The following IQCH variants were observed in gnomAD, a reference collection of about 807,000 sequenced individuals.
IQCH encodes the protein IQ motif containing H, also known as IQ domain-containing protein H.
Under a neutral mutation model 117.0 loss-of-function variants are expected in IQCH, and 98 were observed. That is an observed-to-expected ratio of 0.84 (90% CI 0.71 to 0.99). IQCH has a LOEUF of 0.99. Among genes scored for constraint, IQCH ranks in the 50% least tolerant of loss-of-function variants. The pLI, the probability that IQCH is intolerant of heterozygous loss-of-function variation, is 0.00. For synonymous variants in IQCH, 412 were observed against 448.2 expected, an observed-to-expected ratio of 0.92 and a Z score of 1.02; for missense variants, 1,102 against 1,243.8, an observed-to-expected ratio of 0.89 and a Z score of 1.72.
rs1160163778 is a variant in IQCH, at chr15:67,454,323, A to T, written c.2506-10804A>T. 6.6e-6 allele frequency among the ~76,000 whole-genome samples: 1 copy of T among 152,046 alleles called. No homozygotes were observed. The highest frequency in any genetic ancestry group is 2.4e-5 in the African/African-American group (1 of 41,378). On this transcript the variant is annotated intron_variant, in intron 16 of 20. Coordinates refer to ENST00000335894, the MANE Select transcript of IQCH (RefSeq NM_001031715.3). This position sits in a 1 kb window ranked among gnomAD's most constrained non-coding sequence, Gnocchi z 5.2. ...AAATCACCCGTCTTCTGCGTCGCTC[A>T]CGCTGGGAGCTGTAGACCGGAGCTG... is the stretch of plus-strand genomic sequence containing the variant.
chr15:67,475,970 C>G lies in IQCH; in HGVS notation c.2799+152C>G, dbSNP rs1367868898. 1.9e-5 allele frequency: 13 copies of G among 674,006 alleles called. No individual in the cohort carries two copies. The highest frequency in any genetic ancestry group is 3.0e-5 in the Non-Finnish European group (12 of 399,874). 41.8% of individuals were successfully genotyped at this position (674,006 alleles called of 1,614,324 possible). A position where few individuals can be genotyped will look rare whatever the true frequency, so the allele number is the denominator to read the frequency against. ...AGGCTGATTGCTGCTTGGGGAAGAG[C>G]AGATACGCAACTCCACAGAAAGTAG... is the stretch of plus-strand genomic sequence containing the variant. On this transcript the variant is annotated intron_variant, in intron 18 of 20. Coordinates refer to ENST00000335894, the MANE Select transcript of IQCH (RefSeq NM_001031715.3). The surrounding 1 kb of genome is among the most constrained non-coding windows in gnomAD (Gnocchi z 5.7).
At chr15:67,379,366 T>C (rs1292619905) in intron 10 of IQCH, among the ~76,000 whole-genome samples, 2 of 152,240 alleles carry the variant, frequency 1.3e-5, no homozygotes, top group Non-Finnish European at 2.9e-5. Flanking sequence ...TCTACAATCA[T>C]ATTAATAAAC....
In IQCH at chr15:67,372,650, C is replaced by T. The variant is rs1415060857; in HGVS notation, c.1293C>T (p.Arg431=). 1.2e-6 allele frequency: 2 copies of T among 1,603,508 alleles called. No individual in the cohort carries two copies. ...ESRQRHLENF[R]IRAKHLAANW... Reference sequence around the variant, plus strand: ...GTCAGAGACACCTGGAGAATTTTCGCATTCGAGCCAAGGTGCACAAGGCTG... The same window carrying T: ...GTCAGAGACACCTGGAGAATTTTCGTATTCGAGCCAAGGTGCACAAGGCTG... The change falls in exon 9 of 21, where the codon CGC becomes CGT. Residue 431 remains arginine (R), a synonymous_variant. Coordinates refer to ENST00000335894, the MANE Select transcript of IQCH (RefSeq NM_001031715.3).
intron 10 of IQCH, among the ~76,000 whole-genome samples, chr15:67,382,019 C>T (rs1970950453): frequency 6.6e-6 from 1 of 151,796 alleles, no homozygotes; most frequent in African/African-American, 2.4e-5. Flanking sequence ...TGAGTACGGG[C>T]TTCACACGTG....
At chr15:67,460,754 G>C (rs2082772119) in intron 16 of IQCH, among the ~76,000 whole-genome samples, 1 of 152,106 alleles carries the variant, frequency 6.6e-6, no homozygotes, top group African/African-American at 2.4e-5. Flanking sequence ...CTGCAACCTA[G>C]GGCAACCACT....
intron 6 of IQCH, among the ~76,000 whole-genome samples, chr15:67,355,479 A>G (rs148601227): frequency 0.028 from 4,192 of 152,132 alleles, 60 homozygotes; most frequent in Non-Finnish European, 0.038. Context: ...AGTCTCAGCT[A>G]TTCTGGAGGC....
rs1271367688 is a variant in IQCH, at chr15:67,432,515, C to T, written c.2505+10938C>T. ...TTGTTATCAACTGGTAAATTCCTGC[C>T]CTCTTCCTCACAGTATGTTCTGAGA... On this transcript the variant is annotated intron_variant, in intron 16 of 20. Transcript: ENST00000335894. The surrounding 1 kb of genome is among the most constrained non-coding windows in gnomAD (Gnocchi z 5.0). 6.6e-6 allele frequency among the ~76,000 whole-genome samples: 1 copy of T among 152,090 alleles called. No individual in the cohort carries two copies. The highest frequency in any genetic ancestry group is 2.4e-5 in the African/African-American group (1 of 41,402).
In IQCH at chr15:67,343,720, A is replaced by T. The variant is rs113143216; in HGVS notation, c.509-343A>T. On this transcript the variant is annotated intron_variant, in intron 5 of 20. Coordinates refer to ENST00000335894, the MANE Select transcript of IQCH (RefSeq NM_001031715.3). ...AAGAATCTGTGCCTGATTTCTCTGA[A>T]TTTTAAAAAGAGTAATAATATTACC... is the stretch of plus-strand genomic sequence containing the variant. Among the ~76,000 whole-genome samples the T allele has an allele frequency of 2.0e-5, 3 of 152,314 alleles. 1 individual carries two copies. The highest frequency in any genetic ancestry group is 7.2e-5 in the African/African-American group (3 of 41,580).
rs1970486612 is a variant in IQCH at position 67,370,454 on chromosome 15, A to G, written c.754-1657A>G. 6.6e-6 allele frequency among the ~76,000 whole-genome samples: 1 copy of G among 152,184 alleles called. No individual in the cohort carries two copies. Among genetic ancestry groups the G allele is most frequent in the Non-Finnish European group, 1.5e-5 (1 of 68,034 alleles). ...TCTCTGAATTCTAATTCCTAGTATC[A>G]GAGACCGTTCCTGAAGGGAGGGAGC... On this transcript the variant is annotated intron_variant, in intron 8 of 20. Transcript: ENST00000335894. The surrounding 1 kb of genome is among the most constrained non-coding windows in gnomAD (Gnocchi z 5.6).
chr15:67,415,010 A>T (rs2081541765), intron 14 of IQCH, among the ~76,000 whole-genome samples: 1 of 152,154 alleles, frequency 6.6e-6, no homozygotes. Flanking sequence ...GCTTTGGGGC[A>T]CTTCATAAAT....
At position 67,393,455 on chromosome 15, in the gene IQCH, T is replaced by C. The variant is rs1399412875; in HGVS notation, c.1633-1836T>C. ...TAGATGCTAGTCTATAAAAATCCTTTCAACTCCCTTGAGACCCTGGCACTT... is the reference window on the plus strand; with the variant it reads ...TAGATGCTAGTCTATAAAAATCCTTCCAACTCCCTTGAGACCCTGGCACTT... On this transcript the variant is annotated intron_variant, in intron 12 of 20. Coordinates refer to ENST00000335894, the MANE Select transcript of IQCH (RefSeq NM_001031715.3). This position sits in a 1 kb window ranked among gnomAD's most constrained non-coding sequence, Gnocchi z 5.5. 6.6e-6 allele frequency among the ~76,000 whole-genome samples: 1 copy of C among 152,236 alleles called. No individual in the cohort carries two copies. The highest frequency in any genetic ancestry group is 1.5e-5 in the Non-Finnish European group (1 of 68,038).
chr15:67,308,744 T>A (rs1185688196), intron 4 of IQCH, among the ~76,000 whole-genome samples: 1 of 152,036 alleles, frequency 6.6e-6, no homozygotes, highest in African/African-American at 2.4e-5. Flanking sequence ...ATTCAGAATG[T>A]CAATTCTGCA....
chr15:67,272,982 C>G (rs1410020841), intron 3 of IQCH, among the ~76,000 whole-genome samples: 3 of 151,934 alleles, frequency 2.0e-5, no homozygotes, highest in Admixed American at 6.5e-5. Flanking sequence ...TGTAAATTCT[C>G]TCTTCCTTTC....
chr15:67,464,316 A>G (rs1837408592), intron 16 of IQCH, among the ~76,000 whole-genome samples: 1 of 152,232 alleles, frequency 6.6e-6, no homozygotes, highest in African/African-American at 2.4e-5. Context: ...GAAGTAACAC[A>G]TGACCTACTT....
chr15:67,456,877 C>G lies in IQCH; in HGVS notation c.2506-8250C>G, dbSNP rs2082669238. ...CCTCTTACCCCACCCACTCCAAACA[C>G]CCCATAGAAGGCAGTGTCCAAGGGG... On this transcript the variant is annotated intron_variant, in intron 16 of 20. Transcript: ENST00000335894. The surrounding 1 kb of genome is among the most constrained non-coding windows in gnomAD (Gnocchi z 5.1). Among the ~76,000 whole-genome samples, 1 of 152,098 alleles carries G rather than the reference C, an allele frequency of 6.6e-6. No individual in the cohort carries two copies. Among genetic ancestry groups the G allele is most frequent in the South Asian group, 2.1e-4 (1 of 4,818 alleles).
chr15:67,279,864 T>C (rs1052158536), intron 4 of IQCH, among the ~76,000 whole-genome samples: 4 of 151,594 alleles, frequency 2.6e-5, no homozygotes, highest in African/African-American at 7.3e-5. Flanking sequence ...TATCCGGGCG[T>C]GGTGGTGGGC....
intron 3 of IQCH, among the ~76,000 whole-genome samples, chr15:67,277,289 T>C (rs933956337): frequency 2.6e-5 from 4 of 152,206 alleles, no homozygotes; most frequent in Non-Finnish European, 4.4e-5. Flanking sequence ...AATTCCAAAA[T>C]CTCTGGCATA....
At position 67,421,405 on chromosome 15, in the gene IQCH, C is replaced by T; in HGVS notation, c.2333C>T (p.Ala778Val). ...CTGTCGACAGGGGACCAGCTTCATGCTGAAAGCCCCTTCATCTCCTCTGGT... is the reference window on the plus strand; with the variant it reads ...CTGTCGACAGGGGACCAGCTTCATGTTGAAAGCCCCTTCATCTCCTCTGGT... The part of the protein sequence containing the change: ...SVLSTGDQLH[A>V]ESPFISSGTT... Residue 778 changes from alanine to valine, a missense_variant, in exon 16 of 21, where the codon GCT becomes GTT. This residue lies in a region of IQCH where 650 missense variants were observed against 794.3 expected (regional missense o/e 0.82). Transcript: ENST00000335894. 6.2e-7 allele frequency: 1 copy of T among 1,614,196 alleles called. No homozygotes were observed. Among genetic ancestry groups the T allele is most frequent in the Non-Finnish European group, 8.5e-7 (1 of 1,180,010 alleles).
At position 67,395,146 on chromosome 15, in the gene IQCH, T is replaced by C. The variant is rs1971420484; in HGVS notation, c.1633-145T>C. ...TATGGAACCTCACCCCAACAGCTTT[T>C]ATCAATTTAAACTGCTAAACAACAG... On this transcript the variant is annotated intron_variant, in intron 12 of 20. Transcript: ENST00000335894. The surrounding 1 kb of genome is among the most constrained non-coding windows in gnomAD (Gnocchi z 4.0). 2.3e-6 allele frequency: 2 copies of C among 881,342 alleles called. No individual in the cohort carries two copies. Among genetic ancestry groups the C allele is most frequent in the African/African-American group, 1.7e-5 (1 of 59,626 alleles). The allele number at this position is 881,342 out of a possible 1,614,324, so 54.6% of individuals were successfully genotyped here.
Sources: allele counts gnomAD v4.1 joint callset (sites outside exome capture counted in the v4.1 genomes callset), GRCh38; gene constraint gnomAD v4.1.1; regional missense constraint gnomAD v4.1.1; non-coding constraint Gnocchi (gnomAD v3.1); transcripts MANE v1.5; gene names NCBI Gene and HGNC (gene_info 2026-07-23, HGNC 2026-07-21).